The following ANKHD1 variants were observed in gnomAD, a reference collection of about 807,000 sequenced individuals.
ANKHD1 encodes ankyrin repeat and KH domain containing 1.
In ANKHD1, 31 loss-of-function variants were observed where a neutral mutation model predicts 230.5. The observed-to-expected ratio is 0.13, with a 90% CI of 0.10 to 0.18. The LOEUF (loss-of-function observed/expected upper bound fraction) is 0.18. Among genes scored for constraint, ANKHD1 ranks in the 10% least tolerant of loss-of-function variants. ANKHD1 has a pLI of 1.00. For synonymous variants in ANKHD1, 1,074 were observed against 1,117.6 expected (o/e 0.96, Z 0.78); for missense variants, 2,256 against 3,071.3 (o/e 0.73, Z 6.27).
At chr5:140,438,331 A>AT (rs1561720639) in intron 2 of ANKHD1, 130 bp from the exon 3 acceptor site, 60 of 1,321,168 alleles carry the variant, frequency 4.5e-5, no homozygotes, top group Non-Finnish European at 5.7e-5. Flanking sequence ...TCTTCTGTCA[A>AT]CCTAACCTAT....
intron 9 of ANKHD1, among the ~76,000 whole-genome samples, chr5:140,461,626 A>G (rs1225254817): frequency 6.6e-6 from 1 of 152,150 alleles, no homozygotes; most frequent in African/African-American, 2.4e-5. Flanking sequence ...ATCTTATTTC[A>G]TCTGTACTTC....
rs768915331 is a variant in ANKHD1 at position 140,538,075 on chromosome 5, A to C, written c.7229-11A>C. On this transcript the variant is annotated splice_polypyrimidine_tract_variant and intron_variant, in intron 31 of 33. Transcript: ENST00000360839. ...TAAATTTAAAACTTTGTTTTCAATT[A>C]TTCTTTCCAGAAGGCTTATCAGGTT... is the stretch of plus-strand genomic sequence containing the variant. 5 of 1,592,530 alleles carry C rather than the reference A, an allele frequency of 3.1e-6. No homozygotes were observed. In the Admixed American group the frequency reaches 7.2e-5, roughly 23 times the overall value.
chr5:140,494,358 A>C (rs1751934451), intron 14 of ANKHD1, among the ~76,000 whole-genome samples: 1 of 152,188 alleles, frequency 6.6e-6, no homozygotes, highest in African/African-American at 2.4e-5. Flanking sequence ...AAAGAAATAT[A>C]AATTGAGGAA....
At chr5:140,459,442 G>A in intron 9 of ANKHD1, 87 bp downstream of exon 9, 1 of 1,402,470 alleles carries the variant, frequency 7.1e-7, no homozygotes, top group Non-Finnish European at 9.4e-7. Context: ...TGAGCTCCTA[G>A]TAGATAATAG....
intron 33 of ANKHD1, 41 bp from the exon 34 acceptor site, chr5:140,539,318 A>T: frequency 1.2e-6 from 2 of 1,612,218 alleles, no homozygotes; most frequent in Non-Finnish European, 1.7e-6. Context: ...CTGTCTAAAG[A>T]TTCCTAATTA....
rs1771156232 is a variant in ANKHD1, at chr5:140,414,066, C to G, written c.306+11793C>G. Among the ~76,000 whole-genome samples, 3 of 152,282 alleles carry G rather than the reference C, an allele frequency of 2.0e-5. No homozygotes were observed. In the East Asian group the frequency reaches 5.8e-4, roughly 29 times the overall value. On this transcript the variant is annotated intron_variant, in intron 1 of 33. Coordinates refer to ENST00000360839, the MANE Select transcript of ANKHD1 (RefSeq NM_017747.3). ...AAAGTGCTGGGATTACAGGTGTGAG[C>G]CACTGTGCCCGGTCTATCTGTTCAT...
At position 140,473,490 on chromosome 5, in the gene ANKHD1, G is replaced by A. The variant is rs533912399; in HGVS notation, c.1782+8714G>A. ...GGGTCTCACTCTGTTGCTCAGGCTG[G>A]AATGCAGTGGTGTGCTCTTGGCTCA... On this transcript the variant is annotated intron_variant, in intron 10 of 33. Transcript: ENST00000360839. 1.4e-4 allele frequency among the ~76,000 whole-genome samples: 21 copies of A among 151,682 alleles called. No homozygotes were observed. In the South Asian group the frequency reaches 4.4e-3, roughly 32 times the overall value.
chr5:140,470,611 C>CTTTTTTTTTTTT (rs386405120), intron 10 of ANKHD1, among the ~76,000 whole-genome samples: 35 of 71,772 alleles, frequency 4.9e-4, no homozygotes, highest in Admixed American at 1.0e-3. Context: ...CTTGTTTCTG[C>CTTTTTTTTTTTT]TTTTTTTTTT....
intron 7 of ANKHD1, among the ~76,000 whole-genome samples, chr5:140,456,363 T>A (rs562470266): frequency 6.6e-6 from 1 of 152,266 alleles, no homozygotes; most frequent in South Asian, 2.1e-4. Context: ...AAAACTACTT[T>A]AAAGTTCATA....
At chr5:140,446,094 T>A in intron 6 of ANKHD1, 119 bp downstream of exon 6, 1 of 1,018,160 alleles carries the variant, frequency 9.8e-7, no homozygotes, top group Non-Finnish European at 1.3e-6. Flanking sequence ...TAAAATTATC[T>A]AGTTTATAAG....
At chr5:140,459,090 T>A in intron 8 of ANKHD1, 74 bp from the exon 9 acceptor site, 5 of 1,304,142 alleles carry the variant, frequency 3.8e-6, no homozygotes, top group Non-Finnish European at 4.9e-6. Context: ...GAGATGATTA[T>A]CACAATTCAG....
At position 140,507,767 on chromosome 5, in the gene ANKHD1, G is replaced by GCACATTTCC; in HGVS notation, c.3552-16_3552-8dup. 2 of 1,606,662 alleles carry GCACATTTCC rather than the reference G, an allele frequency of 1.2e-6. No homozygotes were observed. The highest frequency in any genetic ancestry group is 1.7e-6 in the Non-Finnish European group (2 of 1,174,612). The stretch of plus-strand genomic sequence containing the variant: ...GCAACATATTATTTTAATTTTCTAA[G>GCACATTTCC]CACATTTCCCCCTTTAGGACTGGGA... On this transcript the variant is annotated splice_polypyrimidine_tract_variant and intron_variant, in intron 19 of 33. Coordinates refer to ENST00000360839, the MANE Select transcript of ANKHD1 (RefSeq NM_017747.3). The surrounding 1 kb of genome is among the most constrained non-coding windows in gnomAD (Gnocchi z 4.1).
chr5:140,470,059 A>G (rs990892669), intron 10 of ANKHD1, among the ~76,000 whole-genome samples: 23 of 152,126 alleles, frequency 1.5e-4, no homozygotes, highest in Non-Finnish European at 3.1e-4. Context: ...AAATTATTGA[A>G]TCACTTGTTC....
chr5:140,452,155 C>CGGCAGCCAGGCTGGGGGAGG (rs1487860857), intron 7 of ANKHD1, among the ~76,000 whole-genome samples: 20 of 152,268 alleles, frequency 1.3e-4, no homozygotes, highest in African/African-American at 4.8e-4. Flanking sequence ...AACTGCAAGG[C>CGGCAGCCAGGCTGGGGGAGG]GGCAGCCAGG....
chr5:140,464,626 T>G (rs2126980317), intron 9 of ANKHD1, 41 bp from the exon 10 acceptor site: 2 of 1,479,562 alleles, frequency 1.4e-6, no homozygotes, highest in Non-Finnish European at 1.8e-6. Flanking sequence ...TAATACAATT[T>G]TACAGTTCAC....
chr5:140,441,205 G>A (rs535753269), intron 5 of ANKHD1, 63 bp downstream of exon 5: 11 of 1,403,924 alleles, frequency 7.8e-6, no homozygotes, highest in Non-Finnish European at 9.3e-6. Context: ...CTGAGAGAGA[G>A]AAAAATTAGA....
chr5:140,434,510 A>T (rs770934017), intron 1 of ANKHD1, among the ~76,000 whole-genome samples: 1 of 150,872 alleles, frequency 6.6e-6, no homozygotes, highest in African/African-American at 2.4e-5. Context: ...CATTACATAT[A>T]TTATGTAAAT....
Position 140,510,177 on chromosome 5 carries a change from G to A in ANKHD1, c.4100G>A (p.Arg1367His), listed in dbSNP as rs757899078. Residue 1367 changes from arginine to histidine, a missense_variant, in exon 22 of 34, where the codon CGC becomes CAC. Physicochemically the swap from Arg to His is conservative, Grantham distance 29. Transcript: ENST00000360839. The part of the protein sequence containing the change: ...RKITPLMSAF[R>H]KGHVKVVQYL... ...ATCACACCTCTTATGTCAGCATTTC[G>A]CAAGGTAATTTGATATGGGGGAAGA... 2 of 1,597,446 alleles carry A rather than the reference G, an allele frequency of 1.3e-6. No individual in the cohort carries two copies. Among genetic ancestry groups the A allele is most frequent in the Non-Finnish European group, 1.7e-6 (2 of 1,169,282 alleles).
intron 7 of ANKHD1, among the ~76,000 whole-genome samples, chr5:140,454,493 A>T (rs1205250925): frequency 6.6e-6 from 1 of 152,224 alleles, no homozygotes; most frequent in African/African-American, 2.4e-5. Context: ...GTAAAAGAAC[A>T]GAGATTATAA....
Sources: gnomAD v4.1 joint callset for allele counts (sites outside exome capture counted in the v4.1 genomes callset) on GRCh38, gnomAD v4.1.1 for gene constraint, Gnocchi (gnomAD v3.1) non-coding constraint, MANE v1.5 for transcripts, NCBI Gene and HGNC (gene_info 2026-07-23, HGNC 2026-07-21) for gene names.